Variants in SDCCAG8 observed in about 807,000 individuals in gnomAD.
The protein encoded by SDCCAG8 is SHH signaling and ciliogenesis regulator SDCCAG8, also known as serologically defined colon cancer antigen 8.
A neutral mutation model predicts 101.8 loss-of-function variants in SDCCAG8; 74 were observed. The ratio of observed to expected loss-of-function variants is 0.73; its 90% CI spans 0.60 to 0.88. The LOEUF is 0.88. Among genes scored for constraint, SDCCAG8 ranks in the 40% least tolerant of loss-of-function variants. SDCCAG8 has a pLI of 0.00. For synonymous variants in SDCCAG8, 281 were observed against 292.9 expected (o/e 0.96, Z 0.41); for missense variants, 787 against 822.6 (o/e 0.96, Z 0.53).
intron 16 of SDCCAG8, among the ~76,000 whole-genome samples, chr1:243,436,610 G>A (rs1033325238): frequency 6.6e-6 from 1 of 152,036 alleles, no homozygotes; most frequent in Non-Finnish European, 1.5e-5. Flanking sequence ...TTTAGGAACA[G>A]AAAAACAAAA....
At chr1:243,390,022 G>T (rs942859555) in intron 13 of SDCCAG8, among the ~76,000 whole-genome samples, 1 of 152,124 alleles carries the variant, frequency 6.6e-6, no homozygotes, top group Non-Finnish European at 1.5e-5. Flanking sequence ...AAAACAAAAA[G>T]TTGGGGGGAA....
chr1:243,337,394 C>T (rs2075082735), intron 10 of SDCCAG8, among the ~76,000 whole-genome samples: 2 of 152,102 alleles, frequency 1.3e-5, no homozygotes, highest in African/African-American at 4.8e-5. Context: ...TTGATTTTGT[C>T]CCTAGTAAGC....
chr1:243,270,805 T>C (rs1296055627), intron 2 of SDCCAG8, among the ~76,000 whole-genome samples, 173 bp from the exon 3 acceptor site: 2 of 152,036 alleles, frequency 1.3e-5, no homozygotes, highest in African/African-American at 2.4e-5. Context: ...TTCTTAGCTC[T>C]TAAGGGGTAG....
chr1:243,480,507 ATAGG>A (rs1304979194), intron 16 of SDCCAG8, among the ~76,000 whole-genome samples: 1 of 27,490 alleles, frequency 3.6e-5, no homozygotes, highest in South Asian at 1.8e-3. Flanking sequence ...GGATGGATGG[ATAGG>A]TGGGATGGGT....
intron 17 of SDCCAG8, among the ~76,000 whole-genome samples, chr1:243,491,824 T>TCTAAA (rs1161755452): frequency 6.6e-6 from 1 of 152,164 alleles, no homozygotes; most frequent in Non-Finnish European, 1.5e-5. Flanking sequence ...CAGCTGAGGG[T>TCTAAA]TAGAGCTGTC....
intron 16 of SDCCAG8, among the ~76,000 whole-genome samples, chr1:243,453,654 G>A (rs1355920485): frequency 7.9e-5 from 12 of 152,158 alleles, no homozygotes; most frequent in Admixed American, 7.2e-4. Context: ...ATTTTGAAAT[G>A]TTCGGTTGAT....
intron 12 of SDCCAG8, among the ~76,000 whole-genome samples, chr1:243,376,539 T>C (rs2077608558): frequency 1.3e-5 from 2 of 152,182 alleles, no homozygotes; most frequent in Admixed American, 6.6e-5. Flanking sequence ...AAGGTACATA[T>C]GTTGTTATTG....
chr1:243,452,331 C>A (rs1400441427), intron 16 of SDCCAG8, among the ~76,000 whole-genome samples: 4 of 151,900 alleles, frequency 2.6e-5, no homozygotes, highest in Admixed American at 2.0e-4. Context: ...CCCTAGTAAC[C>A]CTTGCAAACA....
chr1:243,297,042 A>T (rs2071001744), intron 6 of SDCCAG8, among the ~76,000 whole-genome samples: 1 of 152,194 alleles, frequency 6.6e-6, no homozygotes. Flanking sequence ...CACCTATGTG[A>T]TTATCACCAC....
rs761503701 is a variant in SDCCAG8, at chr1:243,426,540, A to T, written c.1967A>T (p.His656Leu). The T allele has an allele frequency of 2.5e-6, 4 of 1,613,908 alleles. No individual in the cohort carries two copies. The highest frequency in any genetic ancestry group is 3.4e-6 in the Non-Finnish European group (4 of 1,179,936). The stretch of plus-strand genomic sequence containing the variant: ...CAGTGTGTCCAGCATGGGAGAGTAC[A>T]TGAGACGATGAAGCAAAGGTAATCA... ...EEQCVQHGRV[H>L]ETMKQRLRQL... Residue 656 changes from histidine to leucine, a missense_variant, in exon 16 of 18, where the codon CAT becomes CTT. Coordinates refer to ENST00000366541, the MANE Select transcript of SDCCAG8 (RefSeq NM_006642.5).
rs777728424 is a variant in SDCCAG8 at position 243,341,089 on chromosome 1, G to C, written c.1272G>C (p.Lys424Asn). The C allele has an allele frequency of 6.2e-7, 1 of 1,613,914 alleles. No homozygotes were observed. The highest frequency in any genetic ancestry group is 1.3e-5 in the African/African-American group (1 of 74,922). The change falls in exon 11 of 18, where the codon AAG becomes AAC. Residue 424 changes from lysine to asparagine, a missense_variant. Coordinates refer to ENST00000366541, the MANE Select transcript of SDCCAG8 (RefSeq NM_006642.5). ...CCCAACTGGAGGCCCAGGTGGAAAA[G>C]GTTACAAAGGAAAAGATTTCAGCTA... ...NIAQLEAQVEKVTKEKISAIN... is the reference protein window; with the variant it reads ...NIAQLEAQVENVTKEKISAIN...
At chr1:243,392,798 A>G in intron 13 of SDCCAG8, among the ~76,000 whole-genome samples, 1 of 152,190 alleles carries the variant, frequency 6.6e-6, no homozygotes, top group Non-Finnish European at 1.5e-5. Context: ...AATGGTTGGG[A>G]CTATGTTGCT....
intron 4 of SDCCAG8, among the ~76,000 whole-genome samples, chr1:243,282,032 G>A (rs559496096): frequency 4.6e-5 from 7 of 152,032 alleles, no homozygotes; most frequent in Non-Finnish European, 8.8e-5. Flanking sequence ...CGCCCAGGCT[G>A]TAGTGCAGTG....
intron 16 of SDCCAG8, among the ~76,000 whole-genome samples, chr1:243,486,596 T>G (rs999538085): frequency 3.3e-5 from 5 of 152,254 alleles, no homozygotes; most frequent in Admixed American, 2.6e-4. Context: ...GCCCCATCGC[T>G]GAAGGTGGAG....
intron 16 of SDCCAG8, among the ~76,000 whole-genome samples, chr1:243,481,775 C>T (rs1190895909): frequency 6.6e-6 from 1 of 152,206 alleles, no homozygotes; most frequent in Admixed American, 6.5e-5. Context: ...GATTTTACCA[C>T]TACCACCAAA....
intron 16 of SDCCAG8, among the ~76,000 whole-genome samples, chr1:243,481,105 C>A (rs1663665950): frequency 6.6e-6 from 1 of 152,042 alleles, no homozygotes; most frequent in Admixed American, 6.5e-5. Flanking sequence ...AGGCTGAGAT[C>A]AAGTGCTCAG....
At chr1:243,296,192 C>T (rs1209410256) in intron 6 of SDCCAG8, among the ~76,000 whole-genome samples, 3 of 152,014 alleles carry the variant, frequency 2.0e-5, no homozygotes, top group Non-Finnish European at 4.4e-5. Flanking sequence ...GATGGGGTTT[C>T]GCCATGCTGC....
At chr1:243,450,773 C>T (rs900053735) in intron 16 of SDCCAG8, among the ~76,000 whole-genome samples, 2 of 152,284 alleles carry the variant, frequency 1.3e-5, no homozygotes, top group South Asian at 4.1e-4. Context: ...ATTCTGCTGC[C>T]TCAGCCTCCC....
chr1:243,465,579 T>C (rs1473907865), intron 16 of SDCCAG8, among the ~76,000 whole-genome samples: 2 of 152,226 alleles, frequency 1.3e-5, no homozygotes, highest in Non-Finnish European at 2.9e-5. Flanking sequence ...AAGAATTTTC[T>C]GTATGTTAGT....
Sources: allele counts gnomAD v4.1 joint callset (sites outside exome capture counted in the v4.1 genomes callset), GRCh38; gene constraint gnomAD v4.1.1; transcripts MANE v1.5; gene names NCBI Gene and HGNC (gene_info 2026-07-23, HGNC 2026-07-21).